RUNDC3B: variants seen among roughly 807,000 people sequenced by gnomAD.
RUNDC3B encodes RUN domain-containing protein 3B.
A neutral mutation model predicts 58.4 loss-of-function variants in RUNDC3B; 33 were observed. That is an observed-to-expected ratio of 0.56 (90% confidence interval 0.43 to 0.75). The LOEUF is 0.75. Ranked by LOEUF, RUNDC3B falls within the 30% of genes least tolerant of loss-of-function variation. RUNDC3B has a pLI of 0.00. For synonymous variants in RUNDC3B, 193 were observed against 195.2 expected (o/e 0.99, Z 0.10); for missense variants, 501 against 535.7 (o/e 0.94, Z 0.64).
At chr7:87,699,702 A>G (rs993696598) in intron 2 of RUNDC3B, among the ~76,000 whole-genome samples, 1 of 152,224 alleles carries the variant, frequency 6.6e-6, no homozygotes, top group Non-Finnish European at 1.5e-5. Context: ...TACCATGCCC[A>G]ACCATAGAAA....
At chr7:87,800,719 C>T (rs1836102052) in intron 8 of RUNDC3B, among the ~76,000 whole-genome samples, 1 of 151,300 alleles carries the variant, frequency 6.6e-6, no homozygotes. Context: ...ACAATCACAG[C>T]TCACTGCAGC....
chr7:87,688,249 A>G (rs771817884), intron 2 of RUNDC3B, among the ~76,000 whole-genome samples: 5 of 152,102 alleles, frequency 3.3e-5, no homozygotes, highest in African/African-American at 9.7e-5. Flanking sequence ...ATTTGATTCA[A>G]TGTTTTAAAT....
At chr7:87,654,652 T>C (rs1823903527) in intron 2 of RUNDC3B, among the ~76,000 whole-genome samples, 1 of 152,078 alleles carries the variant, frequency 6.6e-6, no homozygotes, top group African/African-American at 2.4e-5. Flanking sequence ...AAAGGCTCCA[T>C]GACATTGGTC....
intron 8 of RUNDC3B, among the ~76,000 whole-genome samples, chr7:87,792,185 G>C (rs746927531): frequency 3.9e-5 from 6 of 152,028 alleles, no homozygotes; most frequent in Non-Finnish European, 8.8e-5. Flanking sequence ...TATACATGCA[G>C]CCAACACTGG....
At chr7:87,806,666 A>G (rs1836450963) in intron 8 of RUNDC3B, among the ~76,000 whole-genome samples, 1 of 152,160 alleles carries the variant, frequency 6.6e-6, no homozygotes, top group Non-Finnish European at 1.5e-5. Flanking sequence ...ATTAGGAAGT[A>G]ACAGTTCTAT....
chr7:87,723,601 G>T (rs1428313116), intron 4 of RUNDC3B, among the ~76,000 whole-genome samples: 1 of 152,088 alleles, frequency 6.6e-6, no homozygotes, highest in Non-Finnish European at 1.5e-5. Flanking sequence ...TTAGTTATTA[G>T]TTTAATTATT....
rs117246611 is a variant in RUNDC3B at position 87,772,159 on chromosome 7, T to G, written c.798+1410T>G. Reference sequence around the variant, plus strand: ...GTGAAATAATTAGAAAGTGATGAATTTTGAGCAGTTATTACCTTTTTGTTT... The same window carrying G: ...GTGAAATAATTAGAAAGTGATGAATGTTGAGCAGTTATTACCTTTTTGTTT... On this transcript the variant is annotated intron_variant, in intron 7 of 10. Transcript: ENST00000394654. Among the ~76,000 whole-genome samples, 425 of 152,218 alleles carry G rather than the reference T, an allele frequency of 2.8e-3. 1 individual carries two copies. Among genetic ancestry groups the G allele is most frequent in the Non-Finnish European group, 4.8e-3 (325 of 68,008 alleles).
At position 87,831,473 on chromosome 7, in the gene RUNDC3B, G is replaced by A. The variant is rs1046669518; in HGVS notation, c.*1443G>A. Reference sequence around the variant, plus strand: ...AAGACAGTCAAACAGTGTCACTTCAGGGACAAAGGCCTGGAAGCCCTTAAA... The same window carrying A: ...AAGACAGTCAAACAGTGTCACTTCAAGGACAAAGGCCTGGAAGCCCTTAAA... On this transcript the variant is annotated 3_prime_UTR_variant, in exon 11 of 11. Coordinates refer to ENST00000394654, the MANE Select transcript of RUNDC3B (RefSeq NM_001134405.2). The A allele has an allele frequency of 6.6e-6, 1 of 151,870 alleles. No individual in the cohort carries two copies. Among genetic ancestry groups the A allele is most frequent in the African/African-American group, 2.4e-5 (1 of 41,420 alleles). The allele number at this position is 151,870 out of a possible 1,614,324, so 9.4% of individuals were successfully genotyped here. A position where few individuals can be genotyped will look rare whatever the true frequency, so the allele number is the denominator to read the frequency against.
intron 4 of RUNDC3B, among the ~76,000 whole-genome samples, chr7:87,720,536 G>A (rs1219685741): frequency 8.7e-6 from 1 of 114,464 alleles, no homozygotes; most frequent in Non-Finnish European, 1.8e-5. Flanking sequence ...GCAGAAGATA[G>A]GATATATGTG....
At chr7:87,678,774 T>C (rs537113644) in intron 2 of RUNDC3B, among the ~76,000 whole-genome samples, 54 of 151,588 alleles carry the variant, frequency 3.6e-4, no homozygotes, top group African/African-American at 1.3e-3. Context: ...AAAGTTGGAG[T>C]AGATTTAATT....
intron 9 of RUNDC3B, among the ~76,000 whole-genome samples, chr7:87,814,599 G>C (rs927304851): frequency 6.6e-6 from 1 of 152,026 alleles, no homozygotes; most frequent in Admixed American, 6.6e-5. Flanking sequence ...GATGAAATAA[G>C]TTCATATATA....
At chr7:87,649,253 G>A (rs1823331698) in intron 1 of RUNDC3B, among the ~76,000 whole-genome samples, 1 of 152,180 alleles carries the variant, frequency 6.6e-6, no homozygotes, top group Non-Finnish European at 1.5e-5. Flanking sequence ...GTTGGGTCTT[G>A]CCATGATAGG....
chr7:87,691,417 A>G (rs962552637), intron 2 of RUNDC3B, among the ~76,000 whole-genome samples: 3 of 152,100 alleles, frequency 2.0e-5, no homozygotes, highest in Admixed American at 6.6e-5. Context: ...ATTTGAATGC[A>G]TTTTGTTCTT....
chr7:87,759,415 G>A (rs1380622313), intron 6 of RUNDC3B, among the ~76,000 whole-genome samples: 7 of 152,080 alleles, frequency 4.6e-5, no homozygotes, highest in African/African-American at 1.7e-4. Context: ...GTATTTGATA[G>A]CCCAATGGGT....
intron 1 of RUNDC3B, among the ~76,000 whole-genome samples, chr7:87,647,497 C>T (rs950278828): frequency 1.3e-5 from 2 of 152,028 alleles, no homozygotes; most frequent in Admixed American, 6.6e-5. Flanking sequence ...CTACATTTTT[C>T]TTTTGGAAAA....
chr7:87,814,067 C>A (rs1584268099), intron 9 of RUNDC3B, among the ~76,000 whole-genome samples: 1 of 148,802 alleles, frequency 6.7e-6, no homozygotes, highest in African/African-American at 2.5e-5. Flanking sequence ...TCTCATTAAA[C>A]AAGGATATTC....
rs141042549 is a variant in RUNDC3B, at chr7:87,768,284, G to C, written c.630-2297G>C. Among the ~76,000 whole-genome samples, 369 of 152,272 alleles carry C rather than the reference G, an allele frequency of 2.4e-3. 1 individual carries two copies. The highest frequency in any genetic ancestry group is 8.3e-3 in the African/African-American group (343 of 41,550). On this transcript the variant is annotated intron_variant, in intron 6 of 10. Transcript: ENST00000394654. ...GTTCCTTTGTCCCAGTGAGTGCTTT[G>C]GTGGGCTGCACCTCTCCCTCCCCTA...
At chr7:87,699,298 A>G (rs1266688106) in intron 2 of RUNDC3B, among the ~76,000 whole-genome samples, 2 of 152,338 alleles carry the variant, frequency 1.3e-5, no homozygotes, top group South Asian at 2.1e-4. Context: ...CCTAGGGAAG[A>G]CTAGTCATAC....
At position 87,628,420 on chromosome 7, in the gene RUNDC3B, C is replaced by G. The variant is rs2130156821; in HGVS notation, c.-404C>G. 6.2e-6 allele frequency: 1 copy of G among 160,484 alleles called. No homozygotes were observed. Among genetic ancestry groups the G allele is most frequent in the South Asian group, 2.0e-4 (1 of 4,888 alleles). 9.9% of individuals were successfully genotyped at this position (160,484 alleles called of 1,614,324 possible). ...CTTGCCGCTGCCTCCCGGGCTGGGG[C>G]ACGAGTGGCTGCGGAGTGTGGGTGG... On this transcript the variant is annotated 5_prime_UTR_variant, in exon 1 of 11. Coordinates refer to ENST00000394654, the MANE Select transcript of RUNDC3B (RefSeq NM_001134405.2).
Sources: gnomAD v4.1 joint callset for allele counts (sites outside exome capture counted in the v4.1 genomes callset) on GRCh38, gnomAD v4.1.1 for gene constraint, MANE v1.5 for transcripts, NCBI Gene and HGNC (gene_info 2026-07-23, HGNC 2026-07-21) for gene names.